The following CPE variants were observed in gnomAD, a reference collection of about 807,000 sequenced individuals.
CPE encodes carboxypeptidase E, also known as carbocypeptidase E.
Under a neutral mutation model 53.5 loss-of-function variants are expected in CPE, and 17 were observed. The ratio of observed to expected loss-of-function variants is 0.32; its 90% CI spans 0.22 to 0.48. CPE has a LOEUF of 0.48. Ranked by LOEUF, CPE falls within the 20% of genes least tolerant of loss-of-function variation. The probability of loss-of-function intolerance (pLI) is 0.99; values close to 1 mark genes in which losing one functional copy is unlikely to be tolerated. For missense variants in CPE, 524 were observed against 614.7 expected, an observed-to-expected ratio of 0.85 and a Z score of 1.56; for synonymous variants, 226 against 228.8, an observed-to-expected ratio of 0.99 and a Z score of 0.11.
intron 1 of CPE, among the ~76,000 whole-genome samples, chr4:165,403,560 A>G (rs1730903320): frequency 6.6e-6 from 1 of 152,206 alleles, no homozygotes; most frequent in Non-Finnish European, 1.5e-5. Flanking sequence ...TAATTTTTGA[A>G]TGAAATTTAA....
chr4:165,435,811 C>T (rs1731491738), intron 1 of CPE, among the ~76,000 whole-genome samples: 1 of 152,086 alleles, frequency 6.6e-6, no homozygotes, highest in African/African-American at 2.4e-5. Context: ...GAATCAGTTC[C>T]AAGAAGGCTT....
At chr4:165,462,923 A>G (rs777577405) in intron 1 of CPE, among the ~76,000 whole-genome samples, 2 of 152,258 alleles carry the variant, frequency 1.3e-5, no homozygotes, top group African/African-American at 2.4e-5. Context: ...CTTAGTTAAC[A>G]TATTTCCAGG....
chr4:165,455,689 G>A (rs536837730), intron 1 of CPE, among the ~76,000 whole-genome samples: 2 of 148,850 alleles, frequency 1.3e-5, no homozygotes, highest in African/African-American at 2.5e-5. Context: ...GTCTTGCACT[G>A]TTGCCCAGGA....
At chr4:165,464,982 C>T (rs1452384094) in intron 2 of CPE, among the ~76,000 whole-genome samples, 1 of 152,132 alleles carries the variant, frequency 6.6e-6, no homozygotes, top group Non-Finnish European at 1.5e-5. Context: ...TGTCACAGCG[C>T]CCTCTACTGA....
intron 1 of CPE, among the ~76,000 whole-genome samples, chr4:165,442,909 C>T (rs1024325194): frequency 1.3e-5 from 2 of 152,184 alleles, no homozygotes; most frequent in Non-Finnish European, 2.9e-5. Context: ...TACAGTGCTG[C>T]AGCTGTCCCA....
Position 165,479,701 on chromosome 4 carries a change from C to T in CPE, c.673-2541C>T, listed in dbSNP as rs78949508. On this transcript the variant is annotated intron_variant, in intron 3 of 8. Coordinates refer to ENST00000402744, the MANE Select transcript of CPE (RefSeq NM_001873.4). ...GTCAGAGCTAATTTTTTTTACTAAA[C>T]AACTCTTGCAAGTCAAAAAGAAAAG... 1.5e-3 allele frequency among the ~76,000 whole-genome samples: 235 copies of T among 151,990 alleles called. 6 individuals are homozygous for T. The East Asian group carries it at 0.036, about 23-fold the overall frequency.
intron 8 of CPE, 87 bp downstream of exon 8, chr4:165,495,764 C>G (rs1732696358): frequency 1.1e-6 from 1 of 917,318 alleles, no homozygotes; most frequent in Non-Finnish European, 1.6e-6. Context: ...TATATTTAAT[C>G]TTCGTACTAG....
chr4:165,496,720 G>C (rs1732710929), intron 8 of CPE, among the ~76,000 whole-genome samples: 1 of 152,124 alleles, frequency 6.6e-6, no homozygotes, highest in Non-Finnish European at 1.5e-5. Flanking sequence ...TTCACAAAGA[G>C]AGTGGCTTGG....
intron 2 of CPE, among the ~76,000 whole-genome samples, chr4:165,467,109 G>A (rs1732118945): frequency 6.6e-6 from 1 of 151,922 alleles, no homozygotes; most frequent in African/African-American, 2.4e-5. Context: ...GATTGCTTAA[G>A]GCCAGGAGTT....
chr4:165,440,269 T>C (rs1347683898), intron 1 of CPE, among the ~76,000 whole-genome samples: 1 of 152,208 alleles, frequency 6.6e-6, no homozygotes, highest in Non-Finnish European at 1.5e-5. Context: ...TTAAAGTTCA[T>C]CTTCATTATT....
chr4:165,493,312 G>C (rs376923632), intron 7 of CPE, 42 bp downstream of exon 7: 2 of 1,306,996 alleles, frequency 1.5e-6, no homozygotes, highest in African/African-American at 2.9e-5. Flanking sequence ...TTATGTACAA[G>C]AGCATAATTA....
chr4:165,431,774 T>C (rs779505118), intron 1 of CPE, among the ~76,000 whole-genome samples: 10 of 152,088 alleles, frequency 6.6e-5, no homozygotes, highest in Non-Finnish European at 1.3e-4. Flanking sequence ...CAGTAAAATA[T>C]GGTAAAGTGT....
chr4:165,454,470 A>G (rs1579269086), intron 1 of CPE, among the ~76,000 whole-genome samples: 1 of 152,222 alleles, frequency 6.6e-6, no homozygotes, highest in East Asian at 1.9e-4. Context: ...GATTGTTCAA[A>G]TAAGGTTTTA....
chr4:165,457,434 T>C (rs980550974), intron 1 of CPE, among the ~76,000 whole-genome samples: 4 of 152,244 alleles, frequency 2.6e-5, no homozygotes, highest in African/African-American at 9.6e-5. Flanking sequence ...GCATTGCTGC[T>C]AATATTGGAA....
chr4:165,465,401 A>G (rs1732079489), intron 2 of CPE, among the ~76,000 whole-genome samples: 1 of 152,150 alleles, frequency 6.6e-6, no homozygotes, highest in African/African-American at 2.4e-5. Flanking sequence ...TATGAGAGAA[A>G]AATTCTAGTA....
At chr4:165,397,809 C>A (rs1021534201) in intron 1 of CPE, among the ~76,000 whole-genome samples, 1 of 151,264 alleles carries the variant, frequency 6.6e-6, no homozygotes, top group South Asian at 2.1e-4. Flanking sequence ...GGGAGGCCAA[C>A]GTGGGAGGAT....
intron 1 of CPE, among the ~76,000 whole-genome samples, chr4:165,448,645 A>C (rs952800273): frequency 1.3e-5 from 2 of 151,848 alleles, no homozygotes; most frequent in Admixed American, 6.6e-5. Flanking sequence ...CAAAAAAAAA[A>C]CCCTTCTTTT....
intron 1 of CPE, among the ~76,000 whole-genome samples, chr4:165,461,180 A>AG (rs1188833259): frequency 3.1e-4 from 7 of 22,430 alleles, no homozygotes; most frequent in African/African-American, 1.7e-3. Context: ...AAAAAAAAAA[A>AG]AAAAAAAGAA....
chr4:165,437,042 G>A (rs1320804318), intron 1 of CPE, among the ~76,000 whole-genome samples: 1 of 152,230 alleles, frequency 6.6e-6, no homozygotes, highest in Non-Finnish European at 1.5e-5. Context: ...AAGTGTGAAA[G>A]TGAGATCCTG....
Sources: gnomAD v4.1 joint callset for allele counts (sites outside exome capture counted in the v4.1 genomes callset) on GRCh38, gnomAD v4.1.1 for gene constraint, MANE v1.5 for transcripts, NCBI Gene and HGNC (gene_info 2026-07-23, HGNC 2026-07-21) for gene names.